ARSK: variants seen among roughly 807,000 people sequenced by gnomAD.
ARSK encodes the protein arylsulfatase K.
Under a neutral mutation model 53.2 loss-of-function variants are expected in ARSK, and 37 were observed. The observed-to-expected ratio is 0.70, with a 90% CI of 0.54 to 0.92. ARSK has a LOEUF of 0.92. Among genes scored for constraint, ARSK ranks in the 40% least tolerant of loss-of-function variants. ARSK has a pLI of 0.00. For synonymous variants in ARSK, 208 were observed against 223.2 expected, an observed-to-expected ratio of 0.93 and a Z score of 0.61; for missense variants, 613 against 643.0, an observed-to-expected ratio of 0.95 and a Z score of 0.51.
In ARSK at chr5:95,555,259, T is replaced by G. The variant is rs775042221; in HGVS notation, c.-20T>G. The G allele has an allele frequency of 3.8e-6, 6 of 1,582,658 alleles. No individual in the cohort carries two copies. In the South Asian group the frequency reaches 6.6e-5, roughly 17 times the overall value. On this transcript the variant is annotated 5_prime_UTR_variant, in exon 1 of 8. Coordinates refer to ENST00000380009, the MANE Select transcript of ARSK (RefSeq NM_198150.3). This position sits in a 1 kb window ranked among gnomAD's most constrained non-coding sequence, Gnocchi z 4.0. ...GGAGGCGGCTGGCCCGGCGGCAGGC[T>G]CTCAGAACCGCTACCGGCGATGCTA...
chr5:95,602,773 A>G (rs1034005752), intron 7 of ARSK, among the ~76,000 whole-genome samples: 6 of 152,230 alleles, frequency 3.9e-5, no homozygotes, highest in African/African-American at 1.4e-4. Flanking sequence ...AACTCCAAGC[A>G]TAAGATACTA....
At chr5:95,559,252 C>T (rs1748584901) in intron 1 of ARSK, among the ~76,000 whole-genome samples, 1 of 152,196 alleles carries the variant, frequency 6.6e-6, no homozygotes, top group Non-Finnish European at 1.5e-5. Context: ...CAAAGATCCT[C>T]AACAAAATGG....
intron 3 of ARSK, among the ~76,000 whole-genome samples, chr5:95,572,722 G>C (rs1417333881): frequency 6.7e-6 from 1 of 149,378 alleles, no homozygotes; most frequent in South Asian, 2.1e-4. Flanking sequence ...AGCTTGCAGC[G>C]AGCCGAGATT....
At chr5:95,584,569 C>T (rs960976815) in intron 4 of ARSK, among the ~76,000 whole-genome samples, 1 of 152,116 alleles carries the variant, frequency 6.6e-6, no homozygotes, top group Non-Finnish European at 1.5e-5. Context: ...AACTAAAAAG[C>T]CTCTGCACAG....
At chr5:95,559,736 T>G (rs1270734113) in intron 1 of ARSK, among the ~76,000 whole-genome samples, 2 of 152,128 alleles carry the variant, frequency 1.3e-5, no homozygotes, top group African/African-American at 4.8e-5. Context: ...GCCAGAACTT[T>G]ACACTGAATG....
At position 95,555,579 on chromosome 5, in the gene ARSK, A is replaced by G. The variant is rs1292477234; in HGVS notation, c.126+175A>G. Reference sequence around the variant, plus strand: ...GGCCCCGTGTACTCACACGTACACCACATACCTATGCAAACATGTAAAACA... The same window carrying G: ...GGCCCCGTGTACTCACACGTACACCGCATACCTATGCAAACATGTAAAACA... On this transcript the variant is annotated intron_variant, in intron 1 of 7. Coordinates refer to ENST00000380009, the MANE Select transcript of ARSK (RefSeq NM_198150.3). This position sits in a 1 kb window ranked among gnomAD's most constrained non-coding sequence, Gnocchi z 4.0. Among the ~76,000 whole-genome samples the G allele has an allele frequency of 6.6e-6, 1 of 152,250 alleles. No individual in the cohort carries two copies. Among genetic ancestry groups the G allele is most frequent in the Non-Finnish European group, 1.5e-5 (1 of 68,040 alleles).
At chr5:95,602,611 T>G (rs1749421905) in intron 7 of ARSK, among the ~76,000 whole-genome samples, 1 of 152,224 alleles carries the variant, frequency 6.6e-6, no homozygotes, top group South Asian at 2.1e-4. Flanking sequence ...ATTGGTATAC[T>G]AGTTATATCC....
intron 1 of ARSK, among the ~76,000 whole-genome samples, chr5:95,560,080 A>G (rs1244839692): frequency 6.6e-6 from 1 of 152,208 alleles, no homozygotes; most frequent in Non-Finnish European, 1.5e-5. Context: ...GTTCCATTTA[A>G]AGTAACATCA....
chr5:95,583,295 A>G, intron 4 of ARSK, 97 bp downstream of exon 4: 1 of 1,192,698 alleles, frequency 8.4e-7, no homozygotes, highest in Non-Finnish European at 1.1e-6. Flanking sequence ...TTAAAGAAAA[A>G]TTTGAAAATT....
intron 1 of ARSK, chr5:95,556,219 T>C (rs772889519): frequency 1.4e-5 from 10 of 702,428 alleles, no homozygotes; most frequent in East Asian, 1.1e-4. Context: ...TTCCTGATGA[T>C]TAAAATTACA....
At chr5:95,561,149 A>G (rs1748627999) in intron 1 of ARSK, among the ~76,000 whole-genome samples, 1 of 152,198 alleles carries the variant, frequency 6.6e-6, no homozygotes, top group South Asian at 2.1e-4. Context: ...AGATACGCAG[A>G]TGACAAATAA....
rs924933138 is a variant in ARSK at position 95,567,944 on chromosome 5, G to A, written c.311G>A (p.Gly104Asp). 1 of 1,613,314 alleles carries A rather than the reference G, an allele frequency of 6.2e-7. No individual in the cohort carries two copies. The highest frequency in any genetic ancestry group is 2.2e-5 in the East Asian group (1 of 44,856). Residue 104 changes from glycine (G) to aspartate (D), a missense_variant, in exon 3 of 8, where the codon GGT (glycine) becomes GAT (aspartate). Physicochemically the swap from Gly to Asp is moderately conservative, Grantham distance 94 (BLOSUM62 -1). Coordinates refer to ENST00000380009, the MANE Select transcript of ARSK (RefSeq NM_198150.3). Reference sequence around the variant, plus strand: ...ACAGAATCTTGGAATAATTTTAAGGGTCTAGATCCAAATTATACAACATGG... The same window carrying A: ...ACAGAATCTTGGAATAATTTTAAGGATCTAGATCCAAATTATACAACATGG... ...HLTESWNNFKGLDPNYTTWMD... is the reference protein window; with the variant it reads ...HLTESWNNFKDLDPNYTTWMD...
chr5:95,590,326 T>C (rs1281821545), intron 5 of ARSK, among the ~76,000 whole-genome samples: 1 of 152,028 alleles, frequency 6.6e-6, no homozygotes, highest in African/African-American at 2.4e-5. Flanking sequence ...GTTAGGATTG[T>C]TGAAACGTAA....
Position 95,565,983 on chromosome 5 carries a change from T to C in ARSK, c.127-15T>C. ...GGTAATGTAATCAATGCTAATTAAATTTCTTTATTTCCAGGATGGAAGGTT... is the reference window on the plus strand; with the variant it reads ...GGTAATGTAATCAATGCTAATTAAACTTCTTTATTTCCAGGATGGAAGGTT... On this transcript the variant is annotated splice_polypyrimidine_tract_variant and intron_variant, in intron 1 of 7. Transcript: ENST00000380009. 1.3e-6 allele frequency: 2 copies of C among 1,594,500 alleles called. No individual in the cohort carries two copies. The highest frequency in any genetic ancestry group is 1.7e-6 in the Non-Finnish European group (2 of 1,172,620).
rs759245724 is a variant in ARSK at position 95,603,357 on chromosome 5, A to C, written c.1442A>C (p.His481Pro). ...TACCCTAAAGTTTCTGCTTCTGTCC[A>C]CCAGTATAATAAAGAGCAGTTTATC... ...INYPKVSASV[H>P]QYNKEQFIKW... The change falls in exon 8 of 8, where the codon CAC becomes CCC. Residue 481 changes from histidine (H) to proline (P), a missense_variant. Physicochemically the swap from His to Pro is moderately conservative, Grantham distance 77 (BLOSUM62 -2). Transcript: ENST00000380009. 2 of 1,613,442 alleles carry C rather than the reference A, an allele frequency of 1.2e-6. No individual in the cohort carries two copies. The highest frequency in any genetic ancestry group is 1.7e-6 in the Non-Finnish European group (2 of 1,179,662).
intron 5 of ARSK, among the ~76,000 whole-genome samples, chr5:95,590,141 C>T (rs978062669): frequency 2.6e-5 from 4 of 152,142 alleles, no homozygotes; most frequent in Non-Finnish European, 4.4e-5. Flanking sequence ...CCTAGAAGAG[C>T]AGGGAATGGT....
At chr5:95,592,118 G>T (rs914748489) in intron 6 of ARSK, among the ~76,000 whole-genome samples, 1 of 152,112 alleles carries the variant, frequency 6.6e-6, no homozygotes, top group African/African-American at 2.4e-5. Context: ...TATGGATAAG[G>T]GTAGTTAGCA....
chr5:95,580,171 A>T (rs1404295311), intron 3 of ARSK, among the ~76,000 whole-genome samples: 1 of 152,214 alleles, frequency 6.6e-6, no homozygotes, highest in African/African-American at 2.4e-5. Flanking sequence ...CTCCTCATTG[A>T]TGCAAGTCCT....
At chr5:95,589,987 T>G (rs1485084428) in intron 5 of ARSK, among the ~76,000 whole-genome samples, 4 of 152,194 alleles carry the variant, frequency 2.6e-5, no homozygotes, top group Non-Finnish European at 4.4e-5. Context: ...GGCAATTATT[T>G]ATTGCCAGTT....
Sources: gnomAD v4.1 joint callset for allele counts (sites outside exome capture counted in the v4.1 genomes callset) on GRCh38, gnomAD v4.1.1 for gene constraint, Gnocchi (gnomAD v3.1) non-coding constraint, MANE v1.5 for transcripts, NCBI Gene and HGNC (gene_info 2026-07-23, HGNC 2026-07-21) for gene names.